The following GRAMD1A variants were observed in gnomAD, a reference collection of about 807,000 sequenced individuals.
GRAMD1A encodes GRAM domain containing 1A.
GRAMD1A carries 50 observed loss-of-function variants against 92.0 expected under a neutral mutation model. The observed-to-expected ratio is 0.54, with a 90% CI of 0.43 to 0.69. GRAMD1A has a LOEUF of 0.69. Among genes scored for constraint, GRAMD1A ranks in the 30% least tolerant of loss-of-function variants. The pLI is 0.00. For missense variants in GRAMD1A, 819 were observed against 978.9 expected (o/e 0.84, Z 2.18); for synonymous variants, 405 against 403.6 (o/e 1.00, Z -0.04).
At chr19:35,023,753 C>A (rs903219459) in intron 19 of GRAMD1A, 1 of 528,296 alleles carries the variant, frequency 1.9e-6, no homozygotes, top group Non-Finnish European at 3.2e-6. Context: ...TGGCTCACGT[C>A]CTGGAGAAAA....
chr19:35,012,903 A>T (rs1362614248), intron 7 of GRAMD1A: 4 of 187,146 alleles, frequency 2.1e-5, no homozygotes, highest in African/African-American at 9.3e-5. Context: ...TGAACCCAGG[A>T]GGGAGAGGTT....
In GRAMD1A at chr19:35,021,508, T is replaced by A; in HGVS notation, c.1482T>A (p.Ser494=). 2 of 1,613,060 alleles carry A rather than the reference T, an allele frequency of 1.2e-6. No individual in the cohort carries two copies. Among genetic ancestry groups the A allele is most frequent in the Admixed American group, 1.7e-5 (1 of 60,018 alleles). The change falls in exon 14 of 20, where the codon TCT becomes TCA. Residue 494 remains serine (S), a synonymous_variant. Transcript: ENST00000317991. This position sits in a 1 kb window ranked among gnomAD's most constrained non-coding sequence, Gnocchi z 5.3. ...LARNKARLRV[S]SEIRYRKQPW... is the part of the protein sequence containing the mutation. ...CCTGATCTCCCAACCCCAGAGTGTC[T>A]TCTGAGATCCGCTACCGAAAGCAGC...
chr19:35,016,904 C>CAAA (rs553636601), intron 11 of GRAMD1A, among the ~76,000 whole-genome samples: 3 of 68,424 alleles, frequency 4.4e-5, no homozygotes, highest in African/African-American at 1.2e-4. Flanking sequence ...GACTCTGTCT[C>CAAA]AAAAAAAAAA....
intron 1 of GRAMD1A, among the ~76,000 whole-genome samples, chr19:35,005,043 A>C (rs1440105750): frequency 1.3e-5 from 2 of 152,040 alleles, no homozygotes; most frequent in Non-Finnish European, 2.9e-5. Flanking sequence ...GGAGACCTGC[A>C]GGGTCCAAGG....
upstream of GRAMD1A, among the ~76,000 whole-genome samples, chr19:34,998,804 G>C (rs1483252469): frequency 4.0e-5 from 6 of 149,320 alleles, no homozygotes; most frequent in East Asian, 5.9e-4. Flanking sequence ...AGGGCACGGC[G>C]ATAGGGGGGG....
At chr19:35,000,023 A>AT (rs2014224599), upstream of GRAMD1A, 7 of 984,170 alleles carry the variant, frequency 7.1e-6, no homozygotes, top group South Asian at 2.8e-4. This position sits in a 1 kb window ranked among gnomAD's most constrained non-coding sequence, Gnocchi z 4.9. Context: ...GGCCAGGGGC[A>AT]TAGTAGTTGC....
At chr19:35,022,556 A>C (rs906644145) in intron 16 of GRAMD1A, among the ~76,000 whole-genome samples, 1 of 141,194 alleles carries the variant, frequency 7.1e-6, no homozygotes, top group African/African-American at 2.7e-5. Context: ...GCTTCCTCCC[A>C]GGCCAGAGGG....
chr19:35,021,745 C>T lies in GRAMD1A; in HGVS notation c.1634C>T (p.Ala545Val), dbSNP rs755615740. 6.8e-6 allele frequency: 11 copies of T among 1,613,834 alleles called. No homozygotes were observed. In the South Asian group the frequency reaches 8.8e-5, roughly 13 times the overall value. Residue 545 changes from alanine (A) to valine (V), a missense_variant, in exon 15 of 20, where the codon GCC (alanine) becomes GTC (valine). This residue lies in a region of GRAMD1A where 577 missense variants were observed against 674.6 expected (regional missense o/e 0.86). Transcript: ENST00000317991. The surrounding 1 kb of genome is among the most constrained non-coding windows in gnomAD (Gnocchi z 5.3). ...KLSLEEGGKD[A>V]RGLLSGLRRR... is the part of the protein sequence containing the mutation. ...TCTCTGGAGGAAGGCGGGAAGGATG[C>T]CCGGGGCTTGCTATCCGGCCTGCGG...
At position 35,021,603 on chromosome 19, in the gene GRAMD1A, T is replaced by C; in HGVS notation, c.1577T>C (p.Leu526Pro). ...GGCATTGAAGACTATTTCCACCATC[T>C]GGGTAGGGACAGAAGGCCGGCTGGG... is the stretch of plus-strand genomic sequence containing the variant. ...WSGIEDYFHH[L>P]ERELAKAEKL... is the part of the protein sequence containing the mutation. Residue 526 changes from leucine (L) to proline (P), a missense_variant and splice_region_variant, in exon 14 of 20, where the codon CTG (leucine) becomes CCG (proline). Around this residue, in one of 3 missense-constraint regions of GRAMD1A, gnomAD observed 577 missense variants for 674.6 expected, o/e 0.86. Transcript: ENST00000317991. This position sits in a 1 kb window ranked among gnomAD's most constrained non-coding sequence, Gnocchi z 5.3. 1 of 1,613,856 alleles carries C rather than the reference T, an allele frequency of 6.2e-7. No homozygotes were observed. The highest frequency in any genetic ancestry group is 2.2e-5 in the East Asian group (1 of 44,884).
At chr19:35,010,998 A>T (rs1317557257) in intron 6 of GRAMD1A, among the ~76,000 whole-genome samples, 1 of 148,218 alleles carries the variant, frequency 6.7e-6, no homozygotes. Flanking sequence ...CTCACTCAGG[A>T]GGCTGAGACA....
At chr19:34,995,410 A>G (rs539958786), upstream of GRAMD1A, among the ~76,000 whole-genome samples, 130 of 151,604 alleles carry the variant, frequency 8.6e-4, no homozygotes, top group African/African-American at 3.1e-3. Flanking sequence ...GCCCTGGCCT[A>G]GCCCCATGCA....
At chr19:35,011,627 T>A in intron 7 of GRAMD1A, 73 bp downstream of exon 7, 1 of 1,110,564 alleles carries the variant, frequency 9.0e-7, no homozygotes, top group Non-Finnish European at 1.4e-6. Context: ...CCCCAGAACT[T>A]GCGGAGCTGG....
At chr19:35,006,046 C>A in intron 1 of GRAMD1A, 1 of 451,908 alleles carries the variant, frequency 2.2e-6, no homozygotes, top group Non-Finnish European at 4.5e-6. Flanking sequence ...AAGCCCATGG[C>A]CAGGTGCAGT....
chr19:35,007,221 G>T (rs2014885229), intron 1 of GRAMD1A, among the ~76,000 whole-genome samples: 1 of 152,184 alleles, frequency 6.6e-6, no homozygotes, highest in African/African-American at 2.4e-5. Flanking sequence ...GTCCAGGCTG[G>T]AGGTGATGGA....
chr19:35,021,758 A>G lies in GRAMD1A; in HGVS notation c.1647A>G (p.Leu549=). ...GCGGGAAGGATGCCCGGGGCTTGCT[A>G]TCCGGCCTGCGGCGGCGGAAGCGGC... ...EEGGKDARGL[L]SGLRRRKRPL... The change falls in exon 15 of 20, where the codon CTA becomes CTG. Residue 549 remains leucine, a synonymous_variant. Transcript: ENST00000317991. This position sits in a 1 kb window ranked among gnomAD's most constrained non-coding sequence, Gnocchi z 5.3. 1 of 1,613,642 alleles carries G rather than the reference A, an allele frequency of 6.2e-7. No individual in the cohort carries two copies. The highest frequency in any genetic ancestry group is 1.7e-5 in the Admixed American group (1 of 60,020).
Position 35,021,418 on chromosome 19 carries a change from G to C in GRAMD1A, c.1476-84G>C. The C allele has an allele frequency of 2.0e-6, 2 of 996,456 alleles. No homozygotes were observed. The highest frequency in any genetic ancestry group is 3.2e-6 in the Non-Finnish European group (2 of 623,354). 61.7% of individuals were successfully genotyped at this position (996,456 alleles called of 1,614,324 possible). A position where few individuals can be genotyped will look rare whatever the true frequency, so the allele number is the denominator to read the frequency against. ...ACAAGGGGCCCTCTCTGAATTAGGG[G>C]AAGGAAAAAACTCAGCTTGTGGGAC... On this transcript the variant is annotated intron_variant, in intron 13 of 19. Coordinates refer to ENST00000317991, the MANE Select transcript of GRAMD1A (RefSeq NM_020895.5). The surrounding 1 kb of genome is among the most constrained non-coding windows in gnomAD (Gnocchi z 5.3).
intron 11 of GRAMD1A, among the ~76,000 whole-genome samples, chr19:35,016,898 C>CT (rs1382080718): frequency 9.9e-5 from 11 of 111,210 alleles, no homozygotes; most frequent in Admixed American, 7.7e-4. Context: ...GAGCGAGACT[C>CT]TGTCTCAAAA....
intron 1 of GRAMD1A, among the ~76,000 whole-genome samples, chr19:35,003,703 A>T (rs978552950): frequency 6.6e-6 from 1 of 152,152 alleles, no homozygotes; most frequent in African/African-American, 2.4e-5. Context: ...CCTGCTCACC[A>T]GTGCTGTCTG....
At chr19:35,006,317 G>A (rs2014810667) in intron 1 of GRAMD1A, among the ~76,000 whole-genome samples, 1 of 152,064 alleles carries the variant, frequency 6.6e-6, no homozygotes, top group Non-Finnish European at 1.5e-5. Flanking sequence ...GCGACTCTTT[G>A]TCTCCAAAAA....
Sources: allele counts gnomAD v4.1 joint callset (sites outside exome capture counted in the v4.1 genomes callset), GRCh38; gene constraint gnomAD v4.1.1; regional missense constraint gnomAD v4.1.1; non-coding constraint Gnocchi (gnomAD v3.1); transcripts MANE v1.5; gene names NCBI Gene and HGNC (gene_info 2026-07-23, HGNC 2026-07-21).